The following ETFA variants were observed in gnomAD, a reference collection of about 807,000 sequenced individuals.
The protein encoded by ETFA is electron transfer flavoprotein subunit alpha, mitochondrial.
A neutral mutation model predicts 46.2 loss-of-function variants in ETFA; 22 were observed. That is an observed-to-expected ratio of 0.48 (90% CI 0.34 to 0.68). The LOEUF (loss-of-function observed/expected upper bound fraction) is 0.68. ETFA is among the 30% of genes least tolerant of loss of function. The pLI is 0.01. For missense variants in ETFA, 345 were observed against 401.1 expected (o/e 0.86, Z 1.19); for synonymous variants, 131 against 139.9 (o/e 0.94, Z 0.45).
intron 11 of ETFA, among the ~76,000 whole-genome samples, chr15:76,218,982 A>G (rs748776343): frequency 2.0e-5 from 3 of 152,184 alleles, no homozygotes; most frequent in Non-Finnish European, 2.9e-5. Context: ...GAGAAGGAGA[A>G]GAGAATAGCA....
intron 9 of ETFA, chr15:76,258,882 G>T: frequency 1.3e-6 from 1 of 752,792 alleles, no homozygotes. Context: ...TACCACAGGA[G>T]CCTCCACACC....
intron 9 of ETFA, among the ~76,000 whole-genome samples, chr15:76,263,008 T>C (rs900901161): frequency 6.6e-6 from 1 of 150,744 alleles, no homozygotes; most frequent in Non-Finnish European, 1.5e-5. Flanking sequence ...CTTTGGAACA[T>C]GTCTAAACTT....
chr15:76,252,191 C>T (rs1320390009), intron 9 of ETFA, among the ~76,000 whole-genome samples: 1 of 152,128 alleles, frequency 6.6e-6, no homozygotes, highest in African/African-American at 2.4e-5. Flanking sequence ...TAATTAGAGA[C>T]AGGGTCTCAC....
At chr15:76,276,236 G>GT (rs1329395851) in intron 8 of ETFA, among the ~76,000 whole-genome samples, 2 of 151,826 alleles carry the variant, frequency 1.3e-5, no homozygotes, top group Admixed American at 6.6e-5. Context: ...TCCTACATTG[G>GT]TGAGTGTTTT....
intron 9 of ETFA, among the ~76,000 whole-genome samples, chr15:76,234,601 CAGAA>C (rs1297686865): frequency 1.3e-5 from 2 of 152,042 alleles, no homozygotes; most frequent in Non-Finnish European, 2.9e-5. Context: ...CCAACAGAAA[CAGAA>C]AGAAGGAGGG....
rs1210851402 is a variant in ETFA, at chr15:76,292,608, G to C, written c.268+11C>G. ...TTAGACACTACATTTTTTTCTACTG[G>C]AAAACCTCACCTGGAAGTAGGCCTT... On this transcript the variant is annotated intron_variant, in intron 3 of 11. Coordinates refer to ENST00000557943, the MANE Select transcript of ETFA (RefSeq NM_000126.4). 1 of 1,610,096 alleles carries C rather than the reference G, an allele frequency of 6.2e-7. No individual in the cohort carries two copies. The highest frequency in any genetic ancestry group is 8.5e-7 in the Non-Finnish European group (1 of 1,176,516).
At chr15:76,279,287 A>AT (rs1206989226) in intron 8 of ETFA, among the ~76,000 whole-genome samples, 1 of 152,038 alleles carries the variant, frequency 6.6e-6, no homozygotes, top group Non-Finnish European at 1.5e-5. Flanking sequence ...TTTATTATTT[A>AT]TTTTTTTAGA....
chr15:76,306,075 A>G lies in ETFA; in HGVS notation c.39+5275T>C, dbSNP rs144092364. On this transcript the variant is annotated intron_variant, in intron 1 of 11. Transcript: ENST00000557943. ...TTTTAGAGTTCTTGCTGTGACTTGA[A>G]CTGTATATTCACATAGTAAAGTACC... 9.9e-5 allele frequency among the ~76,000 whole-genome samples: 15 copies of G among 151,862 alleles called. No individual in the cohort carries two copies. In the East Asian group the frequency reaches 2.7e-3, roughly 28 times the overall value.
At chr15:76,233,360 C>A (rs372653242) in intron 9 of ETFA, among the ~76,000 whole-genome samples, 165 of 118,800 alleles carry the variant, frequency 1.4e-3, no homozygotes, top group African/African-American at 5.2e-3. Context: ...GATGGAGTCT[C>A]ACTCTGTCAC....
chr15:76,235,834 G>A (rs1205445758), intron 9 of ETFA, among the ~76,000 whole-genome samples: 1 of 152,196 alleles, frequency 6.6e-6, no homozygotes, highest in Admixed American at 6.5e-5. Flanking sequence ...TTTACCTTCT[G>A]ACAAACAGGG....
intron 11 of ETFA, among the ~76,000 whole-genome samples, 186 bp downstream of exon 11, chr15:76,225,663 A>AT (rs923421351): frequency 1.3e-5 from 2 of 152,224 alleles, no homozygotes; most frequent in Non-Finnish European, 2.9e-5. Context: ...TAAACAACAC[A>AT]TATCTACTCT....
intron 1 of ETFA, among the ~76,000 whole-genome samples, chr15:76,297,969 T>C (rs1046257440): frequency 4.6e-5 from 7 of 152,094 alleles, no homozygotes; most frequent in African/African-American, 1.7e-4. Context: ...GCAGAAGAAA[T>C]TGGCCTGAAC....
chr15:76,290,524 A>AT (rs2039751054), intron 4 of ETFA, among the ~76,000 whole-genome samples: 2 of 149,032 alleles, frequency 1.3e-5, no homozygotes, highest in South Asian at 4.2e-4. Context: ...TTTTTTTTTC[A>AT]TTTTTTTGTA....
intron 8 of ETFA, among the ~76,000 whole-genome samples, chr15:76,279,169 C>T (rs2039624125): frequency 6.6e-6 from 1 of 152,182 alleles, no homozygotes; most frequent in Non-Finnish European, 1.5e-5. Flanking sequence ...CATTCTATCT[C>T]TAAAAACCTT....
intron 9 of ETFA, chr15:76,261,525 C>T (rs1350686496): frequency 3.0e-6 from 2 of 667,394 alleles, no homozygotes; most frequent in Admixed American, 2.8e-5. Flanking sequence ...TTACCAGCTG[C>T]CCCTGGGACA....
Position 76,296,879 on chromosome 15 carries a change from T to C in ETFA, c.40-1142A>G, listed in dbSNP as rs557950381. 1.1e-4 allele frequency among the ~76,000 whole-genome samples: 17 copies of C among 152,302 alleles called. No homozygotes were observed. In the South Asian group the frequency reaches 3.5e-3, roughly 32 times the overall value. ...TCAAATAATGAAGAGATCCAAAATGTTGAAGGCTACAGATCATGAAGTACA... is the reference window on the plus strand; with the variant it reads ...TCAAATAATGAAGAGATCCAAAATGCTGAAGGCTACAGATCATGAAGTACA... On this transcript the variant is annotated intron_variant, in intron 1 of 11. Coordinates refer to ENST00000557943, the MANE Select transcript of ETFA (RefSeq NM_000126.4).
chr15:76,293,735 T>C (rs944205407), intron 2 of ETFA, among the ~76,000 whole-genome samples: 19 of 152,384 alleles, frequency 1.2e-4, no homozygotes, highest in Middle Eastern at 3.4e-3. Context: ...CACCCTCATA[T>C]GAACTGTTAG....
intron 9 of ETFA, chr15:76,261,157 GCAGGTCCCCC>G (rs2039407843): frequency 2.0e-5 from 31 of 1,532,984 alleles, no homozygotes; most frequent in Non-Finnish European, 2.8e-5. Context: ...TGGAGAGGGA[GCAGGTCCCCC>G]GATCTTCGTA....
chr15:76,295,799 T>G (rs2141544164), intron 1 of ETFA, 62 bp from the exon 2 acceptor site: 1 of 1,410,508 alleles, frequency 7.1e-7, no homozygotes, highest in Admixed American at 2.0e-5. Flanking sequence ...TTTTTTTTTT[T>G]TTTTACTAAT....
Sources: allele counts gnomAD v4.1 joint callset (sites outside exome capture counted in the v4.1 genomes callset), GRCh38; gene constraint gnomAD v4.1.1; transcripts MANE v1.5; gene names NCBI Gene and HGNC (gene_info 2026-07-23, HGNC 2026-07-21).